SNX29: variants seen among roughly 807,000 people sequenced by gnomAD.
The protein encoded by SNX29 is sorting nexin-29.
SNX29 carries 78 observed loss-of-function variants against 102.1 expected under a neutral mutation model. That is an observed-to-expected ratio of 0.76 (90% CI 0.64 to 0.92). SNX29 has a LOEUF of 0.92. Among genes scored for constraint, SNX29 ranks in the 40% least tolerant of loss-of-function variants. SNX29 has a pLI of 0.00. For missense variants in SNX29, 1,280 were observed against 1,061.7 expected (o/e 1.21, Z -2.86); for synonymous variants, 580 against 414.5 (o/e 1.40, Z -4.85).
At chr16:12,548,971 G>C (rs532731706) in intron 20 of SNX29, among the ~76,000 whole-genome samples, 2 of 152,220 alleles carry the variant, frequency 1.3e-5, no homozygotes, top group Admixed American at 6.5e-5. Context: ...AACAGCACAA[G>C]TGAGGCCCCT....
intron 1 of SNX29, among the ~76,000 whole-genome samples, chr16:11,989,652 CA>C: frequency 6.6e-6 from 1 of 152,290 alleles, no homozygotes; most frequent in South Asian, 2.1e-4. Context: ...TGAGCTGCAC[CA>C]GAATCTAGAT....
chr16:12,549,274 C>G (rs1433481201), intron 20 of SNX29, among the ~76,000 whole-genome samples: 9 of 152,084 alleles, frequency 5.9e-5, no homozygotes, highest in Non-Finnish European at 1.0e-4. Flanking sequence ...GGTGGTAGAT[C>G]ACTCAGGGTC....
intron 4 of SNX29, among the ~76,000 whole-genome samples, chr16:12,031,066 T>G (rs2057328246): frequency 6.6e-6 from 1 of 151,966 alleles, no homozygotes; most frequent in South Asian, 2.1e-4. Flanking sequence ...TTTAGATGAT[T>G]CAGTTCTGTA....
intron 19 of SNX29, among the ~76,000 whole-genome samples, chr16:12,484,912 C>A (rs1028642408): frequency 8.5e-5 from 13 of 152,318 alleles, no homozygotes; most frequent in African/African-American, 3.1e-4. Flanking sequence ...AGCTCATGAA[C>A]CAGGACTGGA....
intron 20 of SNX29, among the ~76,000 whole-genome samples, chr16:12,557,018 C>T (rs1369889198): frequency 5.9e-5 from 2 of 33,836 alleles, no homozygotes; most frequent in African/African-American, 2.0e-4. Context: ...CTAATTTACC[C>T]CCCCCCCGCC....
At chr16:12,490,367 C>T (rs992465630) in intron 19 of SNX29, among the ~76,000 whole-genome samples, 9 of 152,210 alleles carry the variant, frequency 5.9e-5, no homozygotes, top group African/African-American at 2.2e-4. Flanking sequence ...CATGTTGTTG[C>T]AAGTAGCAAT....
chr16:12,465,268 T>C, intron 18 of SNX29, among the ~76,000 whole-genome samples: 1 of 141,292 alleles, frequency 7.1e-6, no homozygotes, highest in South Asian at 2.2e-4. Flanking sequence ...TGTGCTTTGG[T>C]AACATATTCA....
chr16:12,530,449 T>G (rs1212713743), intron 20 of SNX29, among the ~76,000 whole-genome samples: 1 of 152,124 alleles, frequency 6.6e-6, no homozygotes, highest in Non-Finnish European at 1.5e-5. Context: ...CACCTACCCT[T>G]GCACTCACTG....
chr16:12,135,499 G>A (rs2141459732), intron 13 of SNX29: 2 of 1,315,650 alleles, frequency 1.5e-6, no homozygotes, highest in South Asian at 2.5e-5. Flanking sequence ...GCCAGTTACT[G>A]CATTCTTGAG....
At position 12,268,819 on chromosome 16, in the gene SNX29, C is replaced by A. The variant is rs541042717; in HGVS notation, c.1679-9114C>A. Among the ~76,000 whole-genome samples the A allele has an allele frequency of 9.2e-5, 14 of 152,238 alleles. No homozygotes were observed. The South Asian group carries it at 2.9e-3, about 32-fold the overall frequency. On this transcript the variant is annotated intron_variant, in intron 14 of 20. Transcript: ENST00000566228. Reference sequence around the variant, plus strand: ...TAACCTCATCATACTGTTTGCCATGCCGCTCTCCATGGTATCAGAAGTTTC... The same window carrying A: ...TAACCTCATCATACTGTTTGCCATGACGCTCTCCATGGTATCAGAAGTTTC...
chr16:12,551,853 G>T (rs1429484341), intron 20 of SNX29, among the ~76,000 whole-genome samples: 2 of 152,122 alleles, frequency 1.3e-5, no homozygotes, highest in Non-Finnish European at 1.5e-5. Context: ...GGGGACACAG[G>T]AGCAGGCAGG....
At position 12,551,258 on chromosome 16, in the gene SNX29, C is replaced by T. The variant is rs8063595; in HGVS notation, c.2319-17248C>T. 8.3e-3 allele frequency among the ~76,000 whole-genome samples: 1,261 copies of T among 152,228 alleles called. 16 individuals carry two copies. Among genetic ancestry groups the T allele is most frequent in the African/African-American group, 0.023 (937 of 41,550 alleles). On this transcript the variant is annotated intron_variant, in intron 20 of 20. Transcript: ENST00000566228. The stretch of plus-strand genomic sequence containing the variant: ...GAGGACAGTCTAAAAATCACTGCTC[C>T]GGAGGTTCAGACACCGTCAAATGTT...
At chr16:12,195,760 G>A (rs1596478342) in intron 13 of SNX29, among the ~76,000 whole-genome samples, 4 of 152,164 alleles carry the variant, frequency 2.6e-5, no homozygotes, top group Admixed American at 2.6e-4. Context: ...ATCCCAAGTT[G>A]GAGTGTGTGT....
chr16:12,334,874 T>C (rs1214078844), intron 15 of SNX29, among the ~76,000 whole-genome samples: 3 of 147,234 alleles, frequency 2.0e-5, no homozygotes, highest in Non-Finnish European at 4.5e-5. Context: ...GTCAGCCCCT[T>C]TTGCTTTAAG....
At chr16:12,424,689 G>T (rs1470274732) in intron 18 of SNX29, among the ~76,000 whole-genome samples, 2 of 152,158 alleles carry the variant, frequency 1.3e-5, no homozygotes, top group Admixed American at 6.5e-5. Flanking sequence ...TGTTGAAATA[G>T]ACCTTGTTGT....
intron 20 of SNX29, among the ~76,000 whole-genome samples, chr16:12,562,991 A>C (rs74207075): frequency 2.9e-4 from 43 of 150,736 alleles, no homozygotes; most frequent in South Asian, 6.2e-4. Flanking sequence ...TGCGTAAGAA[A>C]AACTGCTTCA....
At chr16:12,562,139 T>C in intron 20 of SNX29, among the ~76,000 whole-genome samples, 1 of 152,176 alleles carries the variant, frequency 6.6e-6, no homozygotes, top group African/African-American at 2.4e-5. Flanking sequence ...AAAATGGCTC[T>C]GGCAATACCA....
chr16:12,572,821 T>C lies in SNX29; in HGVS notation c.*4192T>C, dbSNP rs1472075350. The C allele has an allele frequency of 1.9e-6, 2 of 1,063,776 alleles. No homozygotes were observed. Among genetic ancestry groups the C allele is most frequent in the Non-Finnish European group, 2.3e-6 (2 of 878,378 alleles). 65.9% of individuals were successfully genotyped at this position (1,063,776 alleles called of 1,614,324 possible). ...AGTACATCAGACTGGTTAGGAGGCA[T>C]CCCAGAAGGGGCAGCCTCATGCCCA... On this transcript the variant is annotated 3_prime_UTR_variant, in exon 21 of 21. Transcript: ENST00000566228.
At chr16:12,403,672 A>G (rs2084050648) in intron 18 of SNX29, 143 bp downstream of exon 18, 2 of 794,860 alleles carry the variant, frequency 2.5e-6, no homozygotes, top group Admixed American at 4.9e-5. Flanking sequence ...TTAACTGCCC[A>G]GAGGCCTTGC....
Sources: allele counts gnomAD v4.1 joint callset (sites outside exome capture counted in the v4.1 genomes callset), GRCh38; gene constraint gnomAD v4.1.1; transcripts MANE v1.5; gene names NCBI Gene and HGNC (gene_info 2026-07-23, HGNC 2026-07-21).